DNAH6: variants seen among roughly 807,000 people sequenced by gnomAD.
DNAH6 encodes axonemal beta dynein heavy chain 6.
In DNAH6, 340 loss-of-function variants were observed where a neutral mutation model predicts 491.4. That is an observed-to-expected ratio of 0.69 (90% CI 0.63 to 0.76). The LOEUF is 0.76. Ranked by LOEUF, DNAH6 falls within the 30% of genes least tolerant of loss-of-function variation. DNAH6 has a pLI of 0.00. For synonymous variants in DNAH6, 1,603 were observed against 1,686.1 expected, an observed-to-expected ratio of 0.95 and a Z score of 1.21; for missense variants, 4,443 against 4,972.2, an observed-to-expected ratio of 0.89 and a Z score of 3.20.
chr2:84,703,302 G>T (rs148696813), intron 49 of DNAH6, 93 bp from the exon 50 acceptor site: 7 of 906,790 alleles, frequency 7.7e-6, no homozygotes, highest in African/African-American at 5.0e-5. Context: ...TTCTGTAGAC[G>T]TAAAAGTCTA....
At chr2:84,680,558 G>GAGC (rs1481024009) in intron 41 of DNAH6, among the ~76,000 whole-genome samples, 1 of 151,978 alleles carries the variant, frequency 6.6e-6, no homozygotes. Context: ...AGGAAGAGGG[G>GAGC]AGCAGCAGTG....
chr2:84,588,721 A>T, intron 15 of DNAH6, 105 bp from the exon 16 acceptor site: 2 of 1,106,008 alleles, frequency 1.8e-6, no homozygotes, highest in Non-Finnish European at 2.5e-6. Flanking sequence ...AATCAAAAAG[A>T]AAAGAGAAAG....
chr2:84,787,776 C>T (rs538476951), intron 68 of DNAH6, among the ~76,000 whole-genome samples: 1 of 152,252 alleles, frequency 6.6e-6, no homozygotes, highest in African/African-American at 2.4e-5. Context: ...TAGTAGAGAC[C>T]TGTTAATTCA....
intron 41 of DNAH6, among the ~76,000 whole-genome samples, chr2:84,679,525 G>A (rs1693571639): frequency 6.6e-6 from 1 of 152,184 alleles, no homozygotes; most frequent in Non-Finnish European, 1.5e-5. Context: ...ACCGTGATCA[G>A]CTCCATAAAC....
At chr2:84,817,353 T>A (rs1405748726) in intron 76 of DNAH6, among the ~76,000 whole-genome samples, 2 of 152,168 alleles carry the variant, frequency 1.3e-5, no homozygotes, top group South Asian at 2.1e-4. Context: ...TGAGGGAAAA[T>A]ACCTTTGAAC....
At chr2:84,700,741 G>T (rs1695824068) in intron 48 of DNAH6, among the ~76,000 whole-genome samples, 1 of 152,170 alleles carries the variant, frequency 6.6e-6, no homozygotes, top group South Asian at 2.1e-4. Context: ...TGGACGTGAG[G>T]TCCCAACTAT....
chr2:84,635,343 GTA>G (rs1384505441), intron 30 of DNAH6, among the ~76,000 whole-genome samples: 2 of 152,156 alleles, frequency 1.3e-5, no homozygotes, highest in African/African-American at 2.4e-5. Flanking sequence ...TCTACGTGAA[GTA>G]TATGTCATTT....
At chr2:84,578,789 G>A (rs1428968951) in intron 13 of DNAH6, among the ~76,000 whole-genome samples, 4 of 152,212 alleles carry the variant, frequency 2.6e-5, no homozygotes, top group African/African-American at 9.6e-5. Context: ...ATCCCCAGGT[G>A]TAAAGGGAGG....
At chr2:84,566,252 G>A (rs1681183179) in intron 11 of DNAH6, among the ~76,000 whole-genome samples, 1 of 151,940 alleles carries the variant, frequency 6.6e-6, no homozygotes, top group African/African-American at 2.4e-5. Context: ...CCAAATGGGG[G>A]AAATTTATCA....
chr2:84,737,485 A>T (rs1699614834), intron 62 of DNAH6, among the ~76,000 whole-genome samples: 1 of 151,828 alleles, frequency 6.6e-6, no homozygotes, highest in South Asian at 2.1e-4. Flanking sequence ...GTAGGTTTTT[A>T]TTCCTGATTG....
At chr2:84,791,658 A>G (rs1417613366) in intron 68 of DNAH6, among the ~76,000 whole-genome samples, 3 of 149,596 alleles carry the variant, frequency 2.0e-5, no homozygotes, top group Non-Finnish European at 4.4e-5. Flanking sequence ...ATATATATAT[A>G]ATTATATATA....
At chr2:84,688,732 G>T (rs1342702194) in intron 45 of DNAH6, 139 bp downstream of exon 45, 1 of 643,064 alleles carries the variant, frequency 1.6e-6, no homozygotes, top group Non-Finnish European at 2.5e-6. Flanking sequence ...CATAACTTAA[G>T]AGTTATTGTT....
At chr2:84,514,144 C>G (rs541775209), upstream of DNAH6, among the ~76,000 whole-genome samples, 3 of 152,160 alleles carry the variant, frequency 2.0e-5, no homozygotes, top group African/African-American at 7.2e-5. Flanking sequence ...TTATTTATTG[C>G]TCTGGTTTCA....
At chr2:84,524,023 T>A (rs769961905) in intron 2 of DNAH6, among the ~76,000 whole-genome samples, 1 of 148,852 alleles carries the variant, frequency 6.7e-6, no homozygotes, top group Non-Finnish European at 1.5e-5. Flanking sequence ...GACTTGATGA[T>A]CTGTCTAATA....
At chr2:84,677,924 A>G (rs1693411014) in intron 41 of DNAH6, among the ~76,000 whole-genome samples, 1 of 152,168 alleles carries the variant, frequency 6.6e-6, no homozygotes, top group African/African-American at 2.4e-5. Context: ...GCACAAAGGT[A>G]GAATAAGACA....
chr2:84,726,718 A>G (rs2104952885), intron 60 of DNAH6, among the ~76,000 whole-genome samples: 1 of 152,304 alleles, frequency 6.6e-6, no homozygotes. Flanking sequence ...GCACATGTAT[A>G]CATATGTAAC....
chr2:84,769,915 A>G (rs1675450973), intron 64 of DNAH6, among the ~76,000 whole-genome samples: 1 of 152,166 alleles, frequency 6.6e-6, no homozygotes, highest in South Asian at 2.1e-4. Flanking sequence ...TTGAGTGTGT[A>G]CTCACAAAAG....
intron 4 of DNAH6, among the ~76,000 whole-genome samples, chr2:84,540,560 T>A (rs942404325): frequency 3.3e-5 from 5 of 152,022 alleles, no homozygotes; most frequent in South Asian, 2.1e-4. Flanking sequence ...GGAGAAAAAA[T>A]TTTTTAAACC....
At chr2:84,752,831 GTTT>G (rs1158233563) in intron 63 of DNAH6, among the ~76,000 whole-genome samples, 1 of 152,012 alleles carries the variant, frequency 6.6e-6, no homozygotes, top group Admixed American at 6.5e-5. Flanking sequence ...CATTTATGTT[GTTT>G]CCACTTTCTG....
Sources: gnomAD v4.1 joint callset for allele counts (sites outside exome capture counted in the v4.1 genomes callset) on GRCh38, gnomAD v4.1.1 for gene constraint, MANE v1.5 for transcripts, NCBI Gene and HGNC (gene_info 2026-07-23, HGNC 2026-07-21) for gene names.